MITD1: variants seen among roughly 807,000 people sequenced by gnomAD.
The protein encoded by MITD1 is MIT domain-containing protein 1.
MITD1 carries 24 observed loss-of-function variants against 34.9 expected under a neutral mutation model. The ratio of observed to expected loss-of-function variants is 0.69; its 90% confidence interval spans 0.50 to 0.97. The LOEUF (loss-of-function observed/expected upper bound fraction) is 0.97. MITD1 is among the 50% of genes least tolerant of loss of function. The probability of loss-of-function intolerance (pLI) is 0.00; values close to 1 mark genes in which losing one functional copy is unlikely to be tolerated. For synonymous variants in MITD1, 102 were observed against 101.4 expected, an observed-to-expected ratio of 1.01 and a Z score of -0.04; for missense variants, 266 against 294.6, an observed-to-expected ratio of 0.90 and a Z score of 0.71.
intron 2 of MITD1, chr2:99,172,032 G>A (rs1443616255): frequency 5.9e-6 from 1 of 170,126 alleles, no homozygotes; most frequent in Non-Finnish European, 1.3e-5. Context: ...GTGGCTATCT[G>A]GTCCTCCTCT....
chr2:99,161,734 GTGAAATTATTTCAAC>G (rs2093794462), downstream of MITD1: 1 of 454,924 alleles, frequency 2.2e-6, no homozygotes, highest in East Asian at 3.4e-5. Context: ...TTTGAAAACT[GTGAAATTATTTCAAC>G]TGAAATTATT....
At position 99,177,518 on chromosome 2, in the gene MITD1, T is replaced by C. The variant is rs147466859; in HGVS notation, c.151+3313A>G. Among the ~76,000 whole-genome samples, 80 of 152,350 alleles carry C rather than the reference T, an allele frequency of 5.3e-4. 1 individual carries two copies. The East Asian group carries it at 0.015, about 29-fold the overall frequency. On this transcript the variant is annotated intron_variant, in intron 1 of 6. Transcript: ENST00000289359. ...TGTGTAATGATCAAATCAGGGTAATTAGGATATCTGTCATCTTAAATATTT... is the reference window on the plus strand; with the variant it reads ...TGTGTAATGATCAAATCAGGGTAATCAGGATATCTGTCATCTTAAATATTT...
intron 7 of MITD1, chr2:99,162,307 T>C: frequency 1.9e-6 from 3 of 1,613,174 alleles, no homozygotes; most frequent in Non-Finnish European, 2.5e-6. Context: ...AATTTGACTT[T>C]CTTTACAACC....
At chr2:99,166,926 G>T (rs946616216), downstream of MITD1, among the ~76,000 whole-genome samples, 1 of 137,684 alleles carries the variant, frequency 7.3e-6, no homozygotes, top group Admixed American at 7.5e-5. Flanking sequence ...TCTGTAATAC[G>T]TTTAGATTTC....
downstream of MITD1, among the ~76,000 whole-genome samples, chr2:99,168,705 T>C (rs750567946): frequency 2.0e-5 from 3 of 152,202 alleles, no homozygotes; most frequent in Non-Finnish European, 2.9e-5. Flanking sequence ...TGGTAAATGT[T>C]TACCAAAGAC....
downstream of MITD1, among the ~76,000 whole-genome samples, chr2:99,167,844 G>A (rs2309582): frequency 0.15 from 22,668 of 152,052 alleles, 1,961 homozygotes; most frequent in Middle Eastern, 0.29. Context: ...ATCAGCACCT[G>A]AACCTGAAAA....
downstream of MITD1, among the ~76,000 whole-genome samples, chr2:99,168,242 A>G (rs1180791711): frequency 6.6e-6 from 1 of 152,158 alleles, no homozygotes; most frequent in Non-Finnish European, 1.5e-5. Flanking sequence ...CCAGGGTTCA[A>G]GCAATTCTCC....
At position 99,170,547 on chromosome 2, in the gene MITD1, G is replaced by C. The variant is rs773477322; in HGVS notation, c.583C>G (p.Arg195Gly). 2 of 1,485,324 alleles carry C rather than the reference G, an allele frequency of 1.3e-6. No homozygotes were observed. The highest frequency in any genetic ancestry group is 1.4e-5 in the African/African-American group (1 of 72,648). 92.0% of individuals were successfully genotyped at this position (1,485,324 alleles called of 1,614,324 possible). Residue 195 changes from arginine (R) to glycine (G), a missense_variant, in exon 5 of 7, where the codon CGA becomes GGA. Arg to Gly is a moderately radical substitution (Grantham distance 125, BLOSUM62 -2). Coordinates refer to ENST00000289359, the MANE Select transcript of MITD1 (RefSeq NM_138798.3). ...TTATTGTAGACTAACCTAATTTCTC[G>C]GTCATGTATTGAAGAAGAGTATTGA... is the stretch of plus-strand genomic sequence containing the variant. ...EVQYSSSIHD[R>G]EIRFNNGWMI...
chr2:99,167,610 T>C (rs2105209593), downstream of MITD1, among the ~76,000 whole-genome samples: 1 of 152,298 alleles, frequency 6.6e-6, no homozygotes, highest in Admixed American at 6.5e-5. Context: ...GAATTGTTAT[T>C]TTAACATGAA....
intron 2 of MITD1, 117 bp downstream of exon 2, chr2:99,173,798 C>T (rs2093870919): frequency 5.8e-6 from 4 of 695,348 alleles, no homozygotes; most frequent in South Asian, 3.3e-5. Flanking sequence ...ATCCTGTAAG[C>T]TCCCAGGGAC....
downstream of MITD1, among the ~76,000 whole-genome samples, chr2:99,166,486 GA>G (rs367705088): frequency 0.05 from 5,885 of 116,816 alleles, 176 homozygotes; most frequent in Middle Eastern, 0.074. Flanking sequence ...GAGGAAATAA[GA>G]AAAAAAAAAA....
chr2:99,171,785 A>T (rs866741735), intron 2 of MITD1, 139 bp from the exon 3 acceptor site: 22 of 754,842 alleles, frequency 2.9e-5, no homozygotes, highest in Middle Eastern at 7.7e-4. Flanking sequence ...TTGAATGCCT[A>T]CTAAATATCA....
At chr2:99,163,370 C>T (rs2105204335) in intron 7 of MITD1, among the ~76,000 whole-genome samples, 1 of 152,150 alleles carries the variant, frequency 6.6e-6, no homozygotes, top group South Asian at 2.1e-4. Context: ...CACTCTCACC[C>T]AGGCTGGAGT....
intron 7 of MITD1, among the ~76,000 whole-genome samples, chr2:99,164,042 T>C (rs866672402): frequency 6.6e-6 from 1 of 152,214 alleles, no homozygotes; most frequent in Non-Finnish European, 1.5e-5. Context: ...GATTTTCTAC[T>C]CTTTTTGGCA....
chr2:99,181,040 T>G lies in MITD1; in HGVS notation c.-59A>C, dbSNP rs866716423. The G allele has an allele frequency of 1.3e-5, 20 of 1,561,394 alleles. No homozygotes were observed. The highest frequency in any genetic ancestry group is 4.3e-4 in the Middle Eastern group (2 of 4,640). The stretch of plus-strand genomic sequence containing the variant: ...ATGAAGTTGAGCGGGTCTGCTGCGC[T>G]TCCGGGAAGTGGTCATGTGATACCC... On this transcript the variant is annotated 5_prime_UTR_variant, in exon 1 of 7. Transcript: ENST00000289359.
At chr2:99,162,978 A>G (rs759697568) in intron 7 of MITD1, 1 of 1,613,814 alleles carries the variant, frequency 6.2e-7, no homozygotes, top group Non-Finnish European at 8.5e-7. Context: ...CCCAACTGAA[A>G]CTACCATGCT....
chr2:99,180,746 A>G lies in MITD1; in HGVS notation c.151+85T>C, dbSNP rs2093913872. 4 of 1,213,732 alleles carry G rather than the reference A, an allele frequency of 3.3e-6. No homozygotes were observed. In the South Asian group the frequency reaches 5.3e-5, roughly 16 times the overall value. The allele number at this position is 1,213,732 out of a possible 1,614,324, so 75.2% of individuals were successfully genotyped here. ...TGCTTCTTCGTGGTGTGGAAAAATC[A>G]TTTTTAACTCTTTCACTTCACCCCA... On this transcript the variant is annotated intron_variant, in intron 1 of 6. Coordinates refer to ENST00000289359, the MANE Select transcript of MITD1 (RefSeq NM_138798.3).
downstream of MITD1, among the ~76,000 whole-genome samples, chr2:99,165,061 C>CATATATAT (rs1553515881): frequency 5.9e-5 from 8 of 135,280 alleles, no homozygotes; most frequent in East Asian, 8.7e-4. Flanking sequence ...CACACACACA[C>CATATATAT]ATATATATAT....
Position 99,169,543 on chromosome 2 carries a change from A to G in MITD1, c.654+7T>C, listed in dbSNP as rs566760160. The G allele has an allele frequency of 5.0e-6, 8 of 1,606,424 alleles. No individual in the cohort carries two copies. The Admixed American group carries it at 1.2e-4, about 23-fold the overall frequency. ...GCTACACATTTACTCATAAGATTAT[A>G]TCCTACCTGTGGTTTCTTAAAATAA... is the stretch of plus-strand genomic sequence containing the variant. On this transcript the variant is annotated splice_region_variant and intron_variant, in intron 6 of 6. Transcript: ENST00000289359.
Sources: gnomAD v4.1 joint callset for allele counts (sites outside exome capture counted in the v4.1 genomes callset) on GRCh38, gnomAD v4.1.1 for gene constraint, MANE v1.5 for transcripts, NCBI Gene and HGNC (gene_info 2026-07-23, HGNC 2026-07-21) for gene names.